The following SLC12A7 variants were observed in gnomAD, a reference collection of about 807,000 sequenced individuals.
The protein encoded by SLC12A7 is solute carrier family 12 member 7.
In SLC12A7, 100 loss-of-function variants were observed where a neutral mutation model predicts 120.6. That is an observed-to-expected ratio of 0.83 (90% CI 0.71 to 0.98). SLC12A7 has a LOEUF of 0.98. SLC12A7 is among the 50% of genes least tolerant of loss of function. The probability of loss-of-function intolerance (pLI) is 0.00; values close to 1 mark genes in which losing one functional copy is unlikely to be tolerated. For synonymous variants in SLC12A7, 760 were observed against 678.0 expected (o/e 1.12, Z -1.88); for missense variants, 1,373 against 1,548.1 (o/e 0.89, Z 1.90).
chr5:1,134,469 TA>T, the SLC12A7 span, among the ~76,000 whole-genome samples: 90 of 146,692 alleles, frequency 6.1e-4, no homozygotes, highest in Middle Eastern at 3.4e-3. Context: ...AAATTCTGTT[TA>T]AAAAAAAAAA....
intron 1 of SLC12A7, among the ~76,000 whole-genome samples, chr5:1,096,951 C>T (rs890798245): frequency 4.6e-5 from 7 of 151,330 alleles, no homozygotes; most frequent in African/African-American, 1.5e-4. Flanking sequence ...CCGAGGGTTT[C>T]GGGTTCTCCC....
At chr5:1,073,839 C>T in intron 16 of SLC12A7, 38 bp from the exon 17 acceptor site, 1 of 1,368,994 alleles carries the variant, frequency 7.3e-7, no homozygotes, top group Non-Finnish European at 9.5e-7. Context: ...CACGGCAACG[C>T]TTACCAGGGC....
chr5:1,072,649 GC>G (rs1180747070), intron 17 of SLC12A7, among the ~76,000 whole-genome samples: 7 of 54 alleles, frequency 0.13, 2 homozygotes, highest in African/African-American at 0.6. Context: ...CACTTATGCA[GC>G]CCCCAGTGAG....
intron 17 of SLC12A7, among the ~76,000 whole-genome samples, 193 bp downstream of exon 17, chr5:1,073,440 G>C (rs1267831186): frequency 6.6e-6 from 1 of 152,238 alleles, no homozygotes; most frequent in Non-Finnish European, 1.5e-5. Context: ...CACCTCCCAA[G>C]CTTCCCGGGG....
At position 1,064,226 on chromosome 5, in the gene SLC12A7, G is replaced by A; in HGVS notation, c.2464C>T (p.His822Tyr). 6.2e-7 allele frequency: 1 copy of A among 1,611,880 alleles called. No individual in the cohort carries two copies. The highest frequency in any genetic ancestry group is 8.5e-7 in the Non-Finnish European group (1 of 1,179,480). The change falls in exon 19 of 24, where the codon CAC becomes TAC. Residue 822 changes from histidine to tyrosine, a missense_variant. Transcript: ENST00000264930. The part of the protein sequence containing the change: ...VDTVRDTTAA[H>Y]QALLVAKNVD... ...TTCTTGGCCACCAGCAGAGCCTGGT[G>A]CGCGGCGGTGGTGTCGCGGACGGTG...
Position 1,088,325 on chromosome 5 carries a change from A to G in SLC12A7, c.525T>C (p.Ala175=), listed in dbSNP as rs781527568. ...CCTTACCTGGGACCACACCGTTGGT[A>G]GCGATCGCACTCATGGAAATGGCGG... is the stretch of plus-strand genomic sequence containing the variant. ...MLTAISMSAI[A]TNGVVPAGGS... is the part of the protein sequence containing the mutation. The change falls in exon 5 of 24, where the codon GCT becomes GCC. Residue 175 remains alanine, a synonymous_variant. Coordinates refer to ENST00000264930, the MANE Select transcript of SLC12A7 (RefSeq NM_006598.3). The G allele has an allele frequency of 3.1e-6, 5 of 1,587,348 alleles. No individual in the cohort carries two copies. The East Asian group carries it at 9.1e-5, about 29-fold the overall frequency.
At chr5:1,057,367 G>T (rs1483168386) in intron 22 of SLC12A7, 104 bp downstream of exon 22, 2 of 1,234,198 alleles carry the variant, frequency 1.6e-6, no homozygotes, top group East Asian at 2.4e-5. Context: ...GGCCTGCAGG[G>T]TTGCCCCGAA....
At chr5:1,054,731 C>T (rs1735428510) in intron 22 of SLC12A7, among the ~76,000 whole-genome samples, 1 of 152,226 alleles carries the variant, frequency 6.6e-6, no homozygotes, top group Non-Finnish European at 1.5e-5. Context: ...AGGCTCACGC[C>T]CTTTGATCCG....
the SLC12A7 span, among the ~76,000 whole-genome samples, chr5:1,151,622 G>A: frequency 5.9e-5 from 9 of 152,130 alleles, no homozygotes; most frequent in Non-Finnish European, 7.4e-5. The surrounding 1 kb of genome is among the most constrained non-coding windows in gnomAD (Gnocchi z 6.2). Context: ...AGAACCAACC[G>A]GTGCCAGAAG....
intron 8 of SLC12A7, among the ~76,000 whole-genome samples, chr5:1,083,493 A>G (rs1739450121): frequency 6.6e-6 from 1 of 152,210 alleles, no homozygotes; most frequent in Non-Finnish European, 1.5e-5. Flanking sequence ...ATGAAAATAA[A>G]TCCATAGCAT....
At chr5:1,080,953 C>T (rs1188259253) in intron 9 of SLC12A7, among the ~76,000 whole-genome samples, 1 of 151,544 alleles carries the variant, frequency 6.6e-6, no homozygotes, top group Admixed American at 6.6e-5. Flanking sequence ...GCCAAACAGG[C>T]AAGATAAGCA....
At chr5:1,078,639 C>T (rs1738635282) in intron 11 of SLC12A7, 62 bp downstream of exon 11, 6 of 1,369,764 alleles carry the variant, frequency 4.4e-6, no homozygotes, top group Non-Finnish European at 6.2e-6. Context: ...AAGCCGAATT[C>T]ATCCTCAGGA....
intron 8 of SLC12A7, among the ~76,000 whole-genome samples, chr5:1,083,126 AT>A: frequency 7.7e-6 from 1 of 129,436 alleles, no homozygotes; most frequent in Non-Finnish European, 1.6e-5. Context: ...GGGCTTCCCC[AT>A]CTCGGGTTCT....
chr5:1,154,989 G>A, the SLC12A7 span, among the ~76,000 whole-genome samples: 1 of 152,226 alleles, frequency 6.6e-6, no homozygotes, highest in Non-Finnish European at 1.5e-5. Context: ...CCTCTGTGTG[G>A]CCAAGGCTGG....
At chr5:1,150,741 T>C in the SLC12A7 span, among the ~76,000 whole-genome samples, 2 of 152,340 alleles carry the variant, frequency 1.3e-5, no homozygotes, top group Non-Finnish European at 2.9e-5. Flanking sequence ...AGGCAGCTCA[T>C]GGATGAACAC....
chr5:1,098,826 G>A lies in SLC12A7; in HGVS notation c.125-4578C>T, dbSNP rs544327566. 5.7e-5 allele frequency among the ~76,000 whole-genome samples: 8 copies of A among 140,760 alleles called. 1 individual carries two copies. Among genetic ancestry groups the A allele is most frequent in the South Asian group, 2.3e-4 (1 of 4,288 alleles). 92.3% of individuals were successfully genotyped at this position (140,760 alleles called of 152,430 possible). On this transcript the variant is annotated intron_variant, in intron 1 of 23. Transcript: ENST00000264930. ...CTGCTCACCCAGCCGCGTCCCTTGC[G>A]CTCCCTGGCCTGGACTTGGACATCG...
chr5:1,118,083 G>A, the SLC12A7 span, among the ~76,000 whole-genome samples: 12 of 151,906 alleles, frequency 7.9e-5, no homozygotes, highest in African/African-American at 2.7e-4. Flanking sequence ...CTCAAAAAAA[G>A]AAAAAAAGAA....
intron 8 of SLC12A7, among the ~76,000 whole-genome samples, chr5:1,082,644 C>T (rs1271471420): frequency 7.5e-5 from 10 of 133,706 alleles, no homozygotes; most frequent in Non-Finnish European, 1.5e-4. Flanking sequence ...CGGGCTTCCC[C>T]GTCTCGGGTT....
chr5:1,056,000 C>T lies in SLC12A7; in HGVS notation c.3026+1471G>A, dbSNP rs548647036. Among the ~76,000 whole-genome samples, 481 of 152,328 alleles carry T rather than the reference C, an allele frequency of 3.2e-3. 1 individual carries two copies. The highest frequency in any genetic ancestry group is 5.3e-3 in the Admixed American group (81 of 15,306). ...AAGGAAAACATGGCCCAGGCGGTTA[C>T]TGGCGGGGGCAGGCAGGGGACAGAG... On this transcript the variant is annotated intron_variant, in intron 22 of 23. Transcript: ENST00000264930.
Sources: allele counts gnomAD v4.1 joint callset (sites outside exome capture counted in the v4.1 genomes callset), GRCh38; gene constraint gnomAD v4.1.1; non-coding constraint Gnocchi (gnomAD v3.1); transcripts MANE v1.5; gene names NCBI Gene and HGNC (gene_info 2026-07-23, HGNC 2026-07-21).